TNS3: variants seen among roughly 807,000 people sequenced by gnomAD.
TNS3 encodes the protein tensin-3.
Under a neutral mutation model 140.9 loss-of-function variants are expected in TNS3, and 45 were observed. The ratio of observed to expected loss-of-function variants is 0.32; its 90% CI spans 0.25 to 0.41. The LOEUF is 0.41. TNS3 is among the 10% of genes least tolerant of loss of function. The pLI is 1.00. For synonymous variants in TNS3, 815 were observed against 788.4 expected (o/e 1.03, Z -0.56); for missense variants, 1,716 against 1,906.7 (o/e 0.90, Z 1.86).
intron 4 of TNS3, among the ~76,000 whole-genome samples, chr7:47,447,213 G>C (rs1346974983): frequency 6.6e-6 from 1 of 152,102 alleles, no homozygotes; most frequent in African/African-American, 2.4e-5. Context: ...TAAAAAATTA[G>C]ATGCACTGCC....
At chr7:47,483,157 G>A (rs949628214) in intron 3 of TNS3, among the ~76,000 whole-genome samples, 2 of 141,808 alleles carry the variant, frequency 1.4e-5, no homozygotes, top group African/African-American at 5.0e-5. Flanking sequence ...TGAAGAGGAA[G>A]AAGAGTGTGT....
At chr7:47,350,143 G>A (rs557594916) in intron 17 of TNS3, among the ~76,000 whole-genome samples, 12 of 152,238 alleles carry the variant, frequency 7.9e-5, no homozygotes, top group East Asian at 5.8e-4. Context: ...AAGCCTACAC[G>A]GGGCAGACAG....
chr7:47,348,826 T>A (rs1307149818), intron 17 of TNS3, among the ~76,000 whole-genome samples: 1 of 152,194 alleles, frequency 6.6e-6, no homozygotes, highest in Non-Finnish European at 1.5e-5. Context: ...TAGGGTTAGC[T>A]GACAACAGCC....
chr7:47,421,635 G>C (rs569990019), intron 10 of TNS3, among the ~76,000 whole-genome samples: 1 of 152,236 alleles, frequency 6.6e-6, no homozygotes, highest in South Asian at 2.1e-4. Context: ...AGGAAGTTCA[G>C]GGGTGCCTCA....
rs80339950 is a variant in TNS3 at position 47,284,439 on chromosome 7, C to T, written c.3929-574G>A. ...CCTGTGTCCTGGCTCCCCATGCTGC[C>T]AAGGGAGAGCTGTGGGTCTTGTCCC... On this transcript the variant is annotated intron_variant, in intron 27 of 30. Coordinates refer to ENST00000311160, the MANE Select transcript of TNS3 (RefSeq NM_022748.12). Among the ~76,000 whole-genome samples, 550 of 152,298 alleles carry T rather than the reference C, an allele frequency of 3.6e-3. 6 individuals are homozygous for T. Among genetic ancestry groups the T allele is most frequent in the African/African-American group, 0.013 (525 of 41,556 alleles).
chr7:47,432,704 G>A (rs1395383679), intron 8 of TNS3, among the ~76,000 whole-genome samples: 1 of 152,206 alleles, frequency 6.6e-6, no homozygotes, highest in East Asian at 1.9e-4. Context: ...ATTGTGGGTG[G>A]AAGCAGCCAT....
intron 27 of TNS3, among the ~76,000 whole-genome samples, chr7:47,288,488 A>G (rs1785533349): frequency 6.6e-6 from 1 of 152,266 alleles, no homozygotes; most frequent in Admixed American, 6.5e-5. Flanking sequence ...TAAATCCATC[A>G]GAGTGGAGCT....
At chr7:47,453,000 G>A (rs544880326) in intron 4 of TNS3, 22 of 985,470 alleles carry the variant, frequency 2.2e-5, no homozygotes, top group African/African-American at 8.7e-5. Context: ...CTCCTCCTAC[G>A]TTTCGCTCCT....
At chr7:47,563,072 A>G (rs1334807175) in intron 1 of TNS3, among the ~76,000 whole-genome samples, 1 of 152,176 alleles carries the variant, frequency 6.6e-6, no homozygotes, top group Non-Finnish European at 1.5e-5. Context: ...CAGCGAAGCT[A>G]GGCAAAACTC....
intron 20 of TNS3, among the ~76,000 whole-genome samples, chr7:47,334,147 C>T (rs1788489231): frequency 6.6e-6 from 1 of 152,160 alleles, no homozygotes; most frequent in Admixed American, 6.5e-5. Flanking sequence ...ATGAGGACCA[C>T]TTCACATGCT....
intron 17 of TNS3, among the ~76,000 whole-genome samples, chr7:47,364,080 G>A (rs1279472288): frequency 3.3e-5 from 5 of 152,084 alleles, no homozygotes; most frequent in Admixed American, 2.0e-4. Flanking sequence ...ACTTGTACGC[G>A]TGTCCCTGCT....
intron 11 of TNS3, 39 bp from the exon 12 acceptor site, chr7:47,414,036 G>T: frequency 6.3e-7 from 1 of 1,592,064 alleles, no homozygotes; most frequent in Non-Finnish European, 8.6e-7. Flanking sequence ...GGCATGACCG[G>T]TACAGAACGA....
At position 47,344,798 on chromosome 7, in the gene TNS3, C is replaced by A. The variant is rs1487958329; in HGVS notation, c.2607G>T (p.Glu869Asp). ...GACTGGCTGGGCTGCTCAGCGGGGG[C>A]TCAGGTGGGCTGAACGGAGGATGGC... Reference protein sequence around the residue: ...ALRHPPFSPPEPPLSSPASQH... With the variant: ...ALRHPPFSPPDPPLSSPASQH... The change falls in exon 20 of 31, where the codon GAG (glutamate) becomes GAT (aspartate). Residue 869 changes from glutamate to aspartate, a missense_variant. Transcript: ENST00000311160. The A allele has an allele frequency of 1.2e-6, 2 of 1,613,430 alleles. No individual in the cohort carries two copies. Among genetic ancestry groups the A allele is most frequent in the African/African-American group, 1.3e-5 (1 of 75,050 alleles).
chr7:47,365,337 C>A (rs56391828), intron 17 of TNS3, among the ~76,000 whole-genome samples: 2 of 150,550 alleles, frequency 1.3e-5, no homozygotes, highest in African/African-American at 4.9e-5. Flanking sequence ...CCCAGCTACT[C>A]GGGAGGCTGA....
intron 4 of TNS3, among the ~76,000 whole-genome samples, chr7:47,476,270 T>C (rs1465875120): frequency 6.6e-6 from 1 of 152,206 alleles, no homozygotes; most frequent in Non-Finnish European, 1.5e-5. Context: ...ACCAGTGTCA[T>C]ACCCCGGATG....
At chr7:47,278,920 A>T (rs1784997308) in intron 30 of TNS3, 1 of 152,238 alleles carries the variant, frequency 6.6e-6, no homozygotes, top group Non-Finnish European at 1.5e-5. Flanking sequence ...TCTCTTTCTT[A>T]GAAAAATGAA....
At chr7:47,508,316 G>A (rs551120071) in intron 2 of TNS3, among the ~76,000 whole-genome samples, 37 of 152,298 alleles carry the variant, frequency 2.4e-4, no homozygotes, top group African/African-American at 8.9e-4. Context: ...TCTATACCTT[G>A]AGGTTTGTAA....
chr7:47,350,419 T>C lies in TNS3; in HGVS notation c.2282-4063A>G, dbSNP rs577078218. ...ACATGGGGTCCAGCAGAGAACCTGGTGGGGGTGCATTTCCAAAGGGTCTGA... is the reference window on the plus strand; with the variant it reads ...ACATGGGGTCCAGCAGAGAACCTGGCGGGGGTGCATTTCCAAAGGGTCTGA... On this transcript the variant is annotated intron_variant, in intron 17 of 30. Transcript: ENST00000311160. Among the ~76,000 whole-genome samples, 6 of 152,240 alleles carry C rather than the reference T, an allele frequency of 3.9e-5. No homozygotes were observed. In the East Asian group the frequency reaches 9.6e-4, roughly 24 times the overall value.
chr7:47,404,291 A>G (rs1000427926), intron 13 of TNS3, among the ~76,000 whole-genome samples: 2 of 152,216 alleles, frequency 1.3e-5, no homozygotes, highest in Non-Finnish European at 2.9e-5. Context: ...GCCTCTTTAG[A>G]CTTTAAATTC....
Sources: allele counts gnomAD v4.1 joint callset (sites outside exome capture counted in the v4.1 genomes callset), GRCh38; gene constraint gnomAD v4.1.1; transcripts MANE v1.5; gene names NCBI Gene and HGNC (gene_info 2026-07-23, HGNC 2026-07-21).